Variants in NKAIN2 observed in about 807,000 individuals in gnomAD.
NKAIN2 encodes the protein sodium/potassium transporting ATPase interacting 2, also known as sodium/potassium-transporting ATPase subunit beta-1-interacting protein 2.
In NKAIN2, 14 loss-of-function variants were observed where a neutral mutation model predicts 32.6. The observed-to-expected ratio is 0.43, with a 90% CI of 0.28 to 0.67. The LOEUF is 0.67. Among genes scored for constraint, NKAIN2 ranks in the 30% least tolerant of loss-of-function variants. The pLI, the probability that NKAIN2 is intolerant of heterozygous loss-of-function variation, is 0.17. For synonymous variants in NKAIN2, 80 were observed against 87.2 expected (o/e 0.92, Z 0.46); for missense variants, 198 against 258.3 (o/e 0.77, Z 1.60).
intron 4 of NKAIN2, among the ~76,000 whole-genome samples, chr6:124,780,299 T>A (rs969518811): frequency 6.6e-6 from 1 of 152,172 alleles, no homozygotes; most frequent in African/African-American, 2.4e-5. Flanking sequence ...AGAATTAATA[T>A]GCAAAAATGA....
intron 1 of NKAIN2, among the ~76,000 whole-genome samples, chr6:123,819,050 G>A (rs113008520): frequency 3.5e-4 from 53 of 152,228 alleles, no homozygotes; most frequent in African/African-American, 1.2e-3. Context: ...AAATGATACC[G>A]TTCATAGGTG....
chr6:123,943,331 C>G (rs1776908593), intron 1 of NKAIN2, among the ~76,000 whole-genome samples: 1 of 152,000 alleles, frequency 6.6e-6, no homozygotes, highest in Non-Finnish European at 1.5e-5. Flanking sequence ...TGTTTTCACC[C>G]TAAATAGTAA....
chr6:124,784,873 T>C (rs1779430337), intron 4 of NKAIN2, among the ~76,000 whole-genome samples: 2 of 152,114 alleles, frequency 1.3e-5, no homozygotes, highest in Non-Finnish European at 2.9e-5. Context: ...GATATCTGTT[T>C]TTGGGTTTCC....
chr6:123,916,529 G>T (rs186353884), intron 1 of NKAIN2, among the ~76,000 whole-genome samples: 2 of 152,216 alleles, frequency 1.3e-5, no homozygotes, highest in African/African-American at 4.8e-5. Context: ...CTCCCAAGTG[G>T]TGGAATTACA....
intron 3 of NKAIN2, among the ~76,000 whole-genome samples, chr6:124,493,135 ATAT>A: frequency 6.6e-6 from 1 of 151,976 alleles, no homozygotes; most frequent in East Asian, 1.9e-4. Flanking sequence ...TAAATATTAG[ATAT>A]TATTTTTATT....
intron 1 of NKAIN2, among the ~76,000 whole-genome samples, chr6:124,175,315 G>A (rs12205051): frequency 0.59 from 89,233 of 151,912 alleles, 28,748 homozygotes; most frequent in Non-Finnish European, 0.73. Context: ...CTATTTGTAG[G>A]GAAAAAAAGA....
intron 1 of NKAIN2, among the ~76,000 whole-genome samples, chr6:123,867,596 G>A (rs1453559880): frequency 6.6e-6 from 1 of 152,152 alleles, no homozygotes; most frequent in Non-Finnish European, 1.5e-5. Flanking sequence ...CAAAAATGTT[G>A]GCTATTGCCA....
chr6:124,361,787 C>T (rs561527577), intron 3 of NKAIN2, among the ~76,000 whole-genome samples: 1 of 152,076 alleles, frequency 6.6e-6, no homozygotes, highest in South Asian at 2.1e-4. Context: ...TTGTCATATA[C>T]TGTAGACTAT....
At chr6:124,618,204 G>C (rs1407988580) in intron 3 of NKAIN2, among the ~76,000 whole-genome samples, 1 of 152,142 alleles carries the variant, frequency 6.6e-6, no homozygotes, top group African/African-American at 2.4e-5. Context: ...CTGGCTGGGC[G>C]TGGTGGCTCA....
chr6:123,944,483 A>G (rs1383767995), intron 1 of NKAIN2, among the ~76,000 whole-genome samples: 1 of 152,042 alleles, frequency 6.6e-6, no homozygotes, highest in Non-Finnish European at 1.5e-5. Context: ...CAACTAGTTC[A>G]GGAAGTTTCA....
intron 4 of NKAIN2, among the ~76,000 whole-genome samples, chr6:124,751,462 G>T (rs1429411907): frequency 6.6e-6 from 1 of 151,908 alleles, no homozygotes; most frequent in Non-Finnish European, 1.5e-5. Flanking sequence ...CTCTTGGTGA[G>T]GAGGAACCTA....
At chr6:124,579,012 C>A (rs188556272) in intron 3 of NKAIN2, among the ~76,000 whole-genome samples, 1 of 152,268 alleles carries the variant, frequency 6.6e-6, no homozygotes, top group Admixed American at 6.5e-5. Context: ...TATGAGTTTG[C>A]GCAAGCCACA....
At chr6:123,864,908 T>G (rs1775923989) in intron 1 of NKAIN2, among the ~76,000 whole-genome samples, 1 of 152,156 alleles carries the variant, frequency 6.6e-6, no homozygotes, top group Admixed American at 6.5e-5. Context: ...ATCATTAAAA[T>G]TTTACACAGA....
chr6:124,081,861 C>T (rs957230726), intron 1 of NKAIN2, among the ~76,000 whole-genome samples: 2 of 151,650 alleles, frequency 1.3e-5, no homozygotes, highest in Non-Finnish European at 2.9e-5. Flanking sequence ...GGATCACATA[C>T]AATTACATAT....
chr6:124,108,157 A>G (rs1436019943), intron 1 of NKAIN2, among the ~76,000 whole-genome samples: 2 of 152,152 alleles, frequency 1.3e-5, no homozygotes, highest in African/African-American at 2.4e-5. Context: ...AAGAGTTCCA[A>G]TATCTCCACC....
At chr6:124,805,995 G>C (rs1780532290) in intron 5 of NKAIN2, among the ~76,000 whole-genome samples, 1 of 152,220 alleles carries the variant, frequency 6.6e-6, no homozygotes, top group Non-Finnish European at 1.5e-5. Context: ...TATGTGAAAA[G>C]ACTAAATCTA....
intron 3 of NKAIN2, among the ~76,000 whole-genome samples, chr6:124,461,023 T>C (rs1776511152): frequency 1.3e-5 from 2 of 151,886 alleles, no homozygotes; most frequent in South Asian, 4.1e-4. Flanking sequence ...TTAACATATA[T>C]AGGTATTGGT....
intron 2 of NKAIN2, among the ~76,000 whole-genome samples, chr6:124,319,435 AT>A (rs1167099848): frequency 3.9e-5 from 6 of 152,120 alleles, no homozygotes; most frequent in African/African-American, 1.4e-4. Context: ...GTAACAGAGC[AT>A]TTCAAGACTT....
chr6:124,030,668 A>G (rs906892720), intron 1 of NKAIN2, among the ~76,000 whole-genome samples: 2 of 152,218 alleles, frequency 1.3e-5, no homozygotes, highest in Admixed American at 6.5e-5. Flanking sequence ...CATGATAGCT[A>G]TCAACACTAG....
Sources: gnomAD v4.1 joint callset for allele counts (sites outside exome capture counted in the v4.1 genomes callset) on GRCh38, gnomAD v4.1.1 for gene constraint, MANE v1.5 for transcripts, NCBI Gene and HGNC (gene_info 2026-07-23, HGNC 2026-07-21) for gene names.